SLIT1: variants seen among roughly 807,000 people sequenced by gnomAD.
SLIT1 encodes slit guidance ligand 1.
In SLIT1, 66 loss-of-function variants were observed where a neutral mutation model predicts 186.1. The ratio of observed to expected loss-of-function variants is 0.35; its 90% confidence interval spans 0.29 to 0.44. The LOEUF is 0.44. SLIT1 is among the 20% of genes least tolerant of loss of function. The pLI is 1.00. For missense variants in SLIT1, 1,638 were observed against 2,037.4 expected (o/e 0.80, Z 3.77); for synonymous variants, 761 against 833.8 (o/e 0.91, Z 1.50).
At chr10:97,167,786 C>T (rs566789843) in intron 1 of SLIT1, among the ~76,000 whole-genome samples, 3 of 152,240 alleles carry the variant, frequency 2.0e-5, no homozygotes, top group Admixed American at 1.3e-4. Flanking sequence ...ATGCTGTTCT[C>T]GTGATAGTGA....
chr10:97,072,936 C>T (rs1206779313), intron 4 of SLIT1, among the ~76,000 whole-genome samples: 2 of 152,164 alleles, frequency 1.3e-5, no homozygotes, highest in Non-Finnish European at 2.9e-5. Flanking sequence ...GAATCACAAC[C>T]TCCATTTAGC....
intron 25 of SLIT1, among the ~76,000 whole-genome samples, chr10:97,027,346 A>G (rs1848555072): frequency 1.3e-5 from 2 of 152,248 alleles, no homozygotes; most frequent in South Asian, 4.1e-4. Flanking sequence ...ATGTGTGTAC[A>G]TGACATATAT....
chr10:97,017,621 A>C (rs1009442702), intron 28 of SLIT1, among the ~76,000 whole-genome samples: 10 of 152,198 alleles, frequency 6.6e-5, no homozygotes, highest in Non-Finnish European at 1.3e-4. Flanking sequence ...CCCCTCCCAC[A>C]GTGCCCAGTG....
Position 97,006,174 on chromosome 10 carries a change from G to A in SLIT1, c.3579+309C>T, listed in dbSNP as rs958667070. Among the ~76,000 whole-genome samples, 2 of 152,176 alleles carry A rather than the reference G, an allele frequency of 1.3e-5. No homozygotes were observed. Among genetic ancestry groups the A allele is most frequent in the Non-Finnish European group, 2.9e-5 (2 of 68,028 alleles). On this transcript the variant is annotated intron_variant, in intron 32 of 36. Coordinates refer to ENST00000266058, the MANE Select transcript of SLIT1 (RefSeq NM_003061.3). The surrounding 1 kb of genome is among the most constrained non-coding windows in gnomAD (Gnocchi z 4.0). ...CATAGAAAGCCTGTCTGCAGCACTG[G>A]AGGCAGACACTGAGGAGTAGCTGGG...
At position 97,001,339 on chromosome 10, in the gene SLIT1, G is replaced by T; in HGVS notation, c.4378C>A (p.Arg1460=). The change falls in exon 37 of 37, where the codon CGG becomes AGG. Residue 1460 remains arginine (R), a synonymous_variant. Coordinates refer to ENST00000266058, the MANE Select transcript of SLIT1 (RefSeq NM_003061.3). ...TGAAAGTCCCGGACAGGGTCCCCCCGGCACTCGGACTCTGGATGGGACAGA... is the reference window on the plus strand; with the variant it reads ...TGAAAGTCCCGGACAGGGTCCCCCCTGCACTCGGACTCTGGATGGGACAGA... ...GELCEQESEC[R]GDPVRDFHQV... is the part of the protein sequence containing the mutation. 1 of 1,612,400 alleles carries T rather than the reference G, an allele frequency of 6.2e-7. No homozygotes were observed. Among genetic ancestry groups the T allele is most frequent in the Non-Finnish European group, 8.5e-7 (1 of 1,179,524 alleles).
chr10:97,172,824 G>A (rs1342392594), intron 1 of SLIT1, among the ~76,000 whole-genome samples: 1 of 151,996 alleles, frequency 6.6e-6, no homozygotes, highest in Non-Finnish European at 1.5e-5. Context: ...AGCCCAGGAG[G>A]TTGAGGCTGC....
At chr10:97,134,519 G>T (rs756835953) in intron 4 of SLIT1, among the ~76,000 whole-genome samples, 4 of 152,040 alleles carry the variant, frequency 2.6e-5, no homozygotes, top group Non-Finnish European at 5.9e-5. Flanking sequence ...TGAGGGTGGG[G>T]GCCTCAGAGC....
chr10:97,093,991 C>T (rs73322727), intron 4 of SLIT1, among the ~76,000 whole-genome samples: 3,734 of 152,284 alleles, frequency 0.025, 181 homozygotes, highest in African/African-American at 0.085. Flanking sequence ...TGAGTGAGTG[C>T]TAAAGAAACT....
chr10:97,059,550 G>A lies in SLIT1; in HGVS notation c.1014-19C>T. On this transcript the variant is annotated intron_variant, in intron 10 of 36. Transcript: ENST00000266058. Reference sequence around the variant, plus strand: ...CAGGTCTCTGCAAGGTGAGCAGAAGGAGAGGGGGCATCTGAATCCCTCAAC... The same window carrying A: ...CAGGTCTCTGCAAGGTGAGCAGAAGAAGAGGGGGCATCTGAATCCCTCAAC... The A allele has an allele frequency of 6.2e-7, 1 of 1,608,694 alleles. No individual in the cohort carries two copies. The highest frequency in any genetic ancestry group is 8.5e-7 in the Non-Finnish European group (1 of 1,175,632).
rs912257307 is a variant in SLIT1 at position 97,004,936 on chromosome 10, C to G, written c.3580-113G>C. The G allele has an allele frequency of 7.7e-7, 1 of 1,303,392 alleles. No individual in the cohort carries two copies. The allele number at this position is 1,303,392 out of a possible 1,614,324, so 80.7% of individuals were successfully genotyped here. On this transcript the variant is annotated intron_variant, in intron 32 of 36. Transcript: ENST00000266058. The surrounding 1 kb of genome is among the most constrained non-coding windows in gnomAD (Gnocchi z 5.1). ...TGGAAGAGAGATGCTCTGTGCAGAGCGCTCTTCCCCCACCTGGCCAGCCTC... is the reference window on the plus strand; with the variant it reads ...TGGAAGAGAGATGCTCTGTGCAGAGGGCTCTTCCCCCACCTGGCCAGCCTC...
Position 97,119,913 on chromosome 10 carries a change from GTATATATATATATA to G in SLIT1, c.413+37891_413+37904del, listed in dbSNP as rs55656011. On this transcript the variant is annotated intron_variant, in intron 4 of 36. Coordinates refer to ENST00000266058, the MANE Select transcript of SLIT1 (RefSeq NM_003061.3). ...AAATACATATTTTTTTTCCAAAGGG[GTATATATATATATA>G]TATATATATATATATATATGTATAT... is the stretch of plus-strand genomic sequence containing the variant. Among the ~76,000 whole-genome samples the G allele has an allele frequency of 2.1e-3, 120 of 56,524 alleles. 3 individuals carry two copies. The highest frequency in any genetic ancestry group is 9.4e-3 in the South Asian group (13 of 1,388). The allele number at this position is 56,524 out of a possible 152,430, so 37.1% of individuals were successfully genotyped here.
chr10:97,082,447 A>T (rs1416460198), intron 4 of SLIT1, among the ~76,000 whole-genome samples: 1 of 151,784 alleles, frequency 6.6e-6, no homozygotes, highest in African/African-American at 2.4e-5. Context: ...TTATTTATTT[A>T]TTTTTTGAGA....
At chr10:97,093,681 T>C (rs1849256780) in intron 4 of SLIT1, among the ~76,000 whole-genome samples, 1 of 152,238 alleles carries the variant, frequency 6.6e-6, no homozygotes, top group Non-Finnish European at 1.5e-5. Flanking sequence ...AAAACTCCGA[T>C]ATCTTAGTTT....
At chr10:97,110,810 T>C (rs1849457601) in intron 4 of SLIT1, among the ~76,000 whole-genome samples, 1 of 152,232 alleles carries the variant, frequency 6.6e-6, no homozygotes, top group African/African-American at 2.4e-5. Context: ...AATTCATGGA[T>C]ACTCATTTTA....
chr10:97,144,272 C>A (rs1156424255), intron 4 of SLIT1, among the ~76,000 whole-genome samples: 2 of 151,944 alleles, frequency 1.3e-5, no homozygotes, highest in Admixed American at 1.3e-4. Context: ...GGCACTGTAT[C>A]CAGGGGTTTA....
At chr10:97,016,177 T>C (rs1405826708) in intron 28 of SLIT1, among the ~76,000 whole-genome samples, 1 of 151,852 alleles carries the variant, frequency 6.6e-6, no homozygotes, top group Non-Finnish European at 1.5e-5. Flanking sequence ...GGTGTGGTGG[T>C]GCATGCCTGT....
At position 97,047,781 on chromosome 10, in the gene SLIT1, G is replaced by C; in HGVS notation, c.1543C>G (p.His515Asp). The change falls in exon 16 of 37, where the codon CAC becomes GAC. Residue 515 changes from histidine to aspartate, a missense_variant. His to Asp is a moderately conservative substitution (Grantham distance 81). Around this residue, in one of 3 missense-constraint regions of SLIT1, gnomAD observed 1,245 missense variants for 1,535.3 expected, o/e 0.81. Coordinates refer to ENST00000266058, the MANE Select transcript of SLIT1 (RefSeq NM_003061.3). ...SECNSDVVCP[H>D]KCRCEANVVE... Reference sequence around the variant, plus strand: ...ACGTTGGCCTCACAGCGGCACTTGTGGGGACAGACCACGTCGCTGTTGCAC... The same window carrying C: ...ACGTTGGCCTCACAGCGGCACTTGTCGGGACAGACCACGTCGCTGTTGCAC... 6.2e-7 allele frequency: 1 copy of C among 1,614,086 alleles called. No homozygotes were observed. Among genetic ancestry groups the C allele is most frequent in the Non-Finnish European group, 8.5e-7 (1 of 1,180,002 alleles).
chr10:97,034,635 G>A, intron 22 of SLIT1, 93 bp from the exon 23 acceptor site: 1 of 1,167,784 alleles, frequency 8.6e-7, no homozygotes, highest in Non-Finnish European at 1.3e-6. Flanking sequence ...TCTGCCCAGG[G>A]CCATTCCCCA....
chr10:97,058,089 T>G (rs1293935780), intron 11 of SLIT1: 1 of 716,900 alleles, frequency 1.4e-6, no homozygotes, highest in Non-Finnish European at 2.6e-6. Context: ...TGTGGACAGG[T>G]GACGGGGCCA....
Sources: gnomAD v4.1 joint callset for allele counts (sites outside exome capture counted in the v4.1 genomes callset) on GRCh38, gnomAD v4.1.1 for gene constraint, gnomAD v4.1.1 regional missense constraint, Gnocchi (gnomAD v3.1) non-coding constraint, MANE v1.5 for transcripts, NCBI Gene and HGNC (gene_info 2026-07-23, HGNC 2026-07-21) for gene names.